The following CSMD3 variants were observed in gnomAD, a reference collection of about 807,000 sequenced individuals.
CSMD3 encodes the protein CUB and sushi domain-containing protein 3.
A neutral mutation model predicts 435.2 loss-of-function variants in CSMD3; 177 were observed. That is an observed-to-expected ratio of 0.41 (90% CI 0.36 to 0.46). The LOEUF is 0.46. Among genes scored for constraint, CSMD3 ranks in the 20% least tolerant of loss-of-function variants. The probability of loss-of-function intolerance (pLI) is 0.34; values close to 1 mark genes in which losing one functional copy is unlikely to be tolerated. For synonymous variants in CSMD3, 1,656 were observed against 1,520.5 expected, an observed-to-expected ratio of 1.09 and a Z score of -2.07; for missense variants, 4,265 against 4,504.6, an observed-to-expected ratio of 0.95 and a Z score of 1.52.
chr8:112,966,165 G>A (rs1311685018), intron 7 of CSMD3, among the ~76,000 whole-genome samples: 1 of 151,334 alleles, frequency 6.6e-6, no homozygotes, highest in East Asian at 1.9e-4. Context: ...TCAAAGTTCC[G>A]ACATCCAAAA....
chr8:112,902,384 C>A (rs1433967427), intron 10 of CSMD3, among the ~76,000 whole-genome samples: 1 of 151,206 alleles, frequency 6.6e-6, no homozygotes, highest in East Asian at 2.0e-4. Context: ...ATGGAAATGG[C>A]ATTTTCAAAA....
chr8:112,894,994 T>G (rs1023145703), intron 10 of CSMD3, among the ~76,000 whole-genome samples: 1 of 151,356 alleles, frequency 6.6e-6, no homozygotes, highest in Non-Finnish European at 1.5e-5. Context: ...GAAAGGCTCA[T>G]GGATGAGAGT....
intron 12 of CSMD3, among the ~76,000 whole-genome samples, chr8:112,807,594 CT>C (rs140176738): frequency 0.019 from 2,877 of 152,148 alleles, 50 homozygotes; most frequent in Middle Eastern, 0.041. Flanking sequence ...GAAATAGAAG[CT>C]TCTCAACTTT....
At chr8:112,576,334 T>C (rs911363288) in intron 23 of CSMD3, among the ~76,000 whole-genome samples, 1 of 152,066 alleles carries the variant, frequency 6.6e-6, no homozygotes, top group African/African-American at 2.4e-5. Flanking sequence ...TTCCTATATA[T>C]AACAATGTAA....
chr8:112,396,391 C>T (rs747183270), intron 35 of CSMD3, among the ~76,000 whole-genome samples: 1 of 152,102 alleles, frequency 6.6e-6, no homozygotes, highest in Non-Finnish European at 1.5e-5. Context: ...GGAGAATTTG[C>T]TCTCTCTCAG....
chr8:112,265,359 G>T (rs1211038024), intron 60 of CSMD3, 52 bp downstream of exon 60: 2 of 1,345,498 alleles, frequency 1.5e-6, no homozygotes, highest in Admixed American at 1.9e-5. Flanking sequence ...ATAAAAATAA[G>T]AAAATATGTA....
At chr8:113,136,589 G>A (rs749801661) in intron 4 of CSMD3, among the ~76,000 whole-genome samples, 4 of 151,598 alleles carry the variant, frequency 2.6e-5, no homozygotes, top group African/African-American at 7.3e-5. Context: ...AAATGATCAC[G>A]GCGACATAGG....
At chr8:112,738,970 A>G (rs1305788791) in intron 13 of CSMD3, among the ~76,000 whole-genome samples, 1 of 151,606 alleles carries the variant, frequency 6.6e-6, no homozygotes, top group Non-Finnish European at 1.5e-5. Flanking sequence ...TTCATTATTC[A>G]CTTACTGAAT....
At chr8:113,081,920 C>T (rs968861463) in intron 5 of CSMD3, among the ~76,000 whole-genome samples, 1 of 152,156 alleles carries the variant, frequency 6.6e-6, no homozygotes, top group African/African-American at 2.4e-5. Flanking sequence ...GCCACGTACC[C>T]GGACCTGCAG....
intron 13 of CSMD3, among the ~76,000 whole-genome samples, chr8:112,708,900 T>A (rs1413782550): frequency 6.6e-6 from 1 of 152,064 alleles, no homozygotes; most frequent in Non-Finnish European, 1.5e-5. Context: ...GGTAGCTAGC[T>A]TATCTTCAGC....
chr8:113,211,587 G>A (rs2092835253), intron 3 of CSMD3, among the ~76,000 whole-genome samples: 1 of 152,126 alleles, frequency 6.6e-6, no homozygotes, highest in Non-Finnish European at 1.5e-5. Context: ...TACTGGGGAG[G>A]CTGAGGCAGG....
chr8:112,344,678 G>A (rs553305234), intron 41 of CSMD3, among the ~76,000 whole-genome samples: 93 of 152,162 alleles, frequency 6.1e-4, no homozygotes, highest in African/African-American at 1.9e-3. Flanking sequence ...ACTTCTTTTA[G>A]TGCATTTATA....
At chr8:113,301,322 T>C (rs1340097031) in intron 2 of CSMD3, among the ~76,000 whole-genome samples, 2 of 152,114 alleles carry the variant, frequency 1.3e-5, no homozygotes, top group East Asian at 3.9e-4. Flanking sequence ...AATATAGTAA[T>C]AGAGAATATA....
intron 5 of CSMD3, among the ~76,000 whole-genome samples, chr8:113,051,451 T>G (rs566088811): frequency 6.6e-6 from 1 of 152,286 alleles, no homozygotes; most frequent in African/African-American, 2.4e-5. Flanking sequence ...CTACAGATTT[T>G]TATGTTTAAT....
chr8:113,053,286 T>C (rs1307740594), intron 5 of CSMD3, among the ~76,000 whole-genome samples: 1 of 152,170 alleles, frequency 6.6e-6, no homozygotes, highest in African/African-American at 2.4e-5. Context: ...CAGCACTGGA[T>C]TGTATTCTTA....
At chr8:112,475,273 G>C (rs1461369021) in intron 31 of CSMD3, among the ~76,000 whole-genome samples, 2 of 152,020 alleles carry the variant, frequency 1.3e-5, no homozygotes, top group African/African-American at 4.8e-5. Context: ...GCCAGAATTT[G>C]TTTTACATAT....
intron 27 of CSMD3, among the ~76,000 whole-genome samples, chr8:112,519,671 C>G (rs1283868531): frequency 6.6e-6 from 1 of 152,146 alleles, no homozygotes; most frequent in African/African-American, 2.4e-5. Flanking sequence ...ATTTAAAACA[C>G]CATGCTATGA....
At chr8:112,362,311 G>A (rs2131125492) in intron 38 of CSMD3, among the ~76,000 whole-genome samples, 1 of 152,006 alleles carries the variant, frequency 6.6e-6, no homozygotes, top group African/African-American at 2.4e-5. Context: ...CATCACTGAT[G>A]GGCAGCAATG....
chr8:112,492,901 A>G (rs950934861), intron 30 of CSMD3, among the ~76,000 whole-genome samples: 10 of 65,876 alleles, frequency 1.5e-4, no homozygotes, highest in African/African-American at 9.6e-4. Context: ...ATCCTGTATT[A>G]TTAGTAATCT....
Sources: allele counts gnomAD v4.1 joint callset (sites outside exome capture counted in the v4.1 genomes callset), GRCh38; gene constraint gnomAD v4.1.1; transcripts MANE v1.5; gene names NCBI Gene and HGNC (gene_info 2026-07-23, HGNC 2026-07-21).